EYS: variants seen among roughly 807,000 people sequenced by gnomAD.
EYS encodes protein eyes shut homolog.
A neutral mutation model predicts 282.1 loss-of-function variants in EYS; 250 were observed. The ratio of observed to expected loss-of-function variants is 0.89; its 90% CI spans 0.80 to 0.98. The LOEUF is 0.98. Among genes scored for constraint, EYS ranks in the 50% least tolerant of loss-of-function variants. The pLI is 0.00. For missense variants in EYS, 4,016 were observed against 3,709.0 expected, an observed-to-expected ratio of 1.08 and a Z score of -2.15; for synonymous variants, 1,355 against 1,282.9, an observed-to-expected ratio of 1.06 and a Z score of -1.20.
At chr6:64,046,581 T>G (rs2149841149) in intron 33 of EYS, among the ~76,000 whole-genome samples, 1 of 152,160 alleles carries the variant, frequency 6.6e-6, no homozygotes, top group African/African-American at 2.4e-5. Flanking sequence ...CAATAGAATT[T>G]ATTTCCTTTC....
chr6:64,605,596 C>T (rs1396263936), intron 24 of EYS, among the ~76,000 whole-genome samples: 1 of 151,646 alleles, frequency 6.6e-6, no homozygotes, highest in African/African-American at 2.4e-5. Context: ...TAAATTCTCA[C>T]CTAATTGAAA....
intron 35 of EYS, among the ~76,000 whole-genome samples, chr6:63,954,132 G>A (rs542528309): frequency 2.6e-5 from 4 of 152,154 alleles, no homozygotes; most frequent in African/African-American, 9.6e-5. Context: ...TTCTGGATAC[G>A]ACAACTGACC....
At chr6:64,991,402 T>G (rs1031493537) in intron 14 of EYS, among the ~76,000 whole-genome samples, 4 of 151,576 alleles carry the variant, frequency 2.6e-5, no homozygotes, top group Admixed American at 6.6e-5. Flanking sequence ...TTAGTTCAAG[T>G]TTTGGCTACA....
chr6:65,503,539 A>G (rs763322870), intron 2 of EYS, among the ~76,000 whole-genome samples: 1 of 151,636 alleles, frequency 6.6e-6, no homozygotes, highest in Non-Finnish European at 1.5e-5. Context: ...AGGGTCATCT[A>G]CATTTTATCC....
intron 5 of EYS, among the ~76,000 whole-genome samples, chr6:65,468,482 G>GTTATTTAT (rs200286337): frequency 6.6e-6 from 1 of 151,884 alleles, no homozygotes; most frequent in Admixed American, 6.6e-5. Flanking sequence ...AGCCTTTAAA[G>GTTATTTAT]TTATTTATTT....
intron 31 of EYS, among the ~76,000 whole-genome samples, chr6:64,115,372 C>A (rs995122016): frequency 3.9e-5 from 6 of 152,126 alleles, no homozygotes; most frequent in Non-Finnish European, 7.4e-5. Flanking sequence ...CGCCACACAC[C>A]AAACACCACT....
chr6:64,320,116 C>T (rs1014992838), intron 29 of EYS, among the ~76,000 whole-genome samples: 2 of 151,826 alleles, frequency 1.3e-5, no homozygotes, highest in Non-Finnish European at 1.5e-5. Context: ...AAAGTCAGCA[C>T]TTAAAAGATA....
In EYS at chr6:65,571,640, A is replaced by C. The variant is rs578247246; in HGVS notation, c.-333+68138T>G. On this transcript the variant is annotated intron_variant, in intron 2 of 42. Transcript: ENST00000503581. The stretch of plus-strand genomic sequence containing the variant: ...CGGGTAACATATTCTGATCCACTAT[A>C]ATATAAATTCCATGTACTATGATCA... 3.3e-5 allele frequency among the ~76,000 whole-genome samples: 5 copies of C among 152,030 alleles called. 1 individual carries two copies. Among genetic ancestry groups the C allele is most frequent in the African/African-American group, 1.2e-4 (5 of 41,440 alleles).
intron 12 of EYS, among the ~76,000 whole-genome samples, chr6:65,242,080 A>G (rs1255901563): frequency 6.6e-6 from 1 of 152,158 alleles, no homozygotes; most frequent in Non-Finnish European, 1.5e-5. Context: ...ACTCCATTAC[A>G]CTATTAAAAA....
intron 41 of EYS, chr6:63,744,849 T>C (rs892467696): frequency 1.1e-5 from 3 of 276,388 alleles, no homozygotes; most frequent in Non-Finnish European, 2.1e-5. Context: ...ATTACAGGCA[T>C]GAGCCACTGC....
chr6:65,219,821 G>A, intron 12 of EYS, among the ~76,000 whole-genome samples: 1 of 152,096 alleles, frequency 6.6e-6, no homozygotes. Flanking sequence ...GCAGGCAAGA[G>A]AGAATGAGAA....
intron 12 of EYS, among the ~76,000 whole-genome samples, chr6:65,269,886 T>C (rs1430290302): frequency 6.6e-6 from 1 of 152,150 alleles, no homozygotes; most frequent in South Asian, 2.1e-4. Context: ...TATCCTTACA[T>C]TGTGGGTTAG....
intron 1 of EYS, among the ~76,000 whole-genome samples, chr6:65,677,979 T>C (rs1179398607): frequency 1.3e-5 from 2 of 152,012 alleles, no homozygotes; most frequent in African/African-American, 2.4e-5. Flanking sequence ...AAAGGAATAG[T>C]GGAGGCTGGG....
At chr6:64,743,094 A>C (rs1251361768) in intron 22 of EYS, among the ~76,000 whole-genome samples, 1 of 152,152 alleles carries the variant, frequency 6.6e-6, no homozygotes, top group Non-Finnish European at 1.5e-5. Context: ...CTTCTAGTGA[A>C]ATGAGATGGA....
intron 15 of EYS, among the ~76,000 whole-genome samples, chr6:64,935,142 A>G (rs924311929): frequency 6.6e-6 from 1 of 151,846 alleles, no homozygotes; most frequent in African/African-American, 2.4e-5. Context: ...AATTTTCTAA[A>G]TAATACAATA....
intron 8 of EYS, among the ~76,000 whole-genome samples, chr6:65,361,153 T>C (rs1764688920): frequency 6.6e-6 from 1 of 151,172 alleles, no homozygotes; most frequent in African/African-American, 2.4e-5. Flanking sequence ...TAGGTGGGAA[T>C]TGTACAATGA....
chr6:64,194,726 G>A (rs959564425), intron 31 of EYS, among the ~76,000 whole-genome samples: 6 of 151,986 alleles, frequency 3.9e-5, no homozygotes, highest in African/African-American at 1.2e-4. Context: ...TGGGGTCAGT[G>A]TTATATATAT....
chr6:65,171,390 C>T (rs1765102252), intron 12 of EYS, among the ~76,000 whole-genome samples: 1 of 151,532 alleles, frequency 6.6e-6, no homozygotes, highest in Non-Finnish European at 1.5e-5. Context: ...TGCTGATCTT[C>T]TTCAGAGGCT....
chr6:65,076,818 C>A (rs1323256671), intron 12 of EYS, among the ~76,000 whole-genome samples: 2 of 151,830 alleles, frequency 1.3e-5, no homozygotes, highest in African/African-American at 2.4e-5. Flanking sequence ...GAGAGGCAGG[C>A]AGTTGATTAA....
Sources: gnomAD v4.1 joint callset for allele counts (sites outside exome capture counted in the v4.1 genomes callset) on GRCh38, gnomAD v4.1.1 for gene constraint, MANE v1.5 for transcripts, NCBI Gene and HGNC (gene_info 2026-07-23, HGNC 2026-07-21) for gene names.